The following COL11A1 variants were observed in gnomAD, a reference collection of about 807,000 sequenced individuals.
COL11A1 encodes the protein collagen type XI alpha 1 chain.
COL11A1 carries 74 observed loss-of-function variants against 265.2 expected under a neutral mutation model. The observed-to-expected ratio is 0.28, with a 90% CI of 0.23 to 0.34. The LOEUF (loss-of-function observed/expected upper bound fraction) is 0.34. Ranked by LOEUF, COL11A1 falls within the 10% of genes least tolerant of loss-of-function variation. The pLI is 1.00. For missense variants in COL11A1, 2,165 were observed against 2,263.6 expected, an observed-to-expected ratio of 0.96 and a Z score of 0.88; for synonymous variants, 816 against 727.6, an observed-to-expected ratio of 1.12 and a Z score of -1.96.
intron 10 of COL11A1, 128 bp from the exon 11 acceptor site, chr1:103,018,010 C>A: frequency 1.2e-6 from 1 of 817,234 alleles, no homozygotes; most frequent in Non-Finnish European, 2.1e-6. Context: ...AAACAGTTGC[C>A]CTATTTATCT....
chr1:103,013,508 T>G (rs1378880478), intron 13 of COL11A1, among the ~76,000 whole-genome samples: 1 of 151,942 alleles, frequency 6.6e-6, no homozygotes, highest in East Asian at 1.9e-4. Flanking sequence ...TTTTAAATAA[T>G]TTTAGATTTG....
intron 14 of COL11A1, among the ~76,000 whole-genome samples, chr1:103,012,109 T>C (rs1237533684): frequency 2.0e-5 from 3 of 152,324 alleles, no homozygotes; most frequent in East Asian, 3.9e-4. Context: ...ATGTAAAACA[T>C]AATTTTGGAA....
At chr1:102,946,025 T>C (rs10874664) in intron 42 of COL11A1, among the ~76,000 whole-genome samples, 91,754 of 131,610 alleles carry the variant, frequency 0.7, 32,288 homozygotes, top group East Asian at 0.87. Flanking sequence ...ATGTCCTTTG[T>C]AGGGACATGG....
chr1:103,008,119 A>C (rs910597567), intron 15 of COL11A1, among the ~76,000 whole-genome samples: 6 of 152,204 alleles, frequency 3.9e-5, no homozygotes, highest in African/African-American at 1.4e-4. Context: ...TTATAAAAAG[A>C]AAGTGTTGAG....
At chr1:102,921,069 A>G (rs1372713790) in intron 48 of COL11A1, among the ~76,000 whole-genome samples, 2 of 152,210 alleles carry the variant, frequency 1.3e-5, no homozygotes, top group East Asian at 3.8e-4. Flanking sequence ...CAATTAAGAG[A>G]AAACATTTTA....
chr1:102,877,949 T>C lies in COL11A1; in HGVS notation c.*70A>G. On this transcript the variant is annotated 3_prime_UTR_variant, in exon 67 of 67. Transcript: ENST00000370096. ...ATACCATCCTTATTCAAAACTTGCA[T>C]GTGGCACAAAATGGGTTGGTGGCAC... 1 of 1,521,172 alleles carries C rather than the reference T, an allele frequency of 6.6e-7. No individual in the cohort carries two copies. The highest frequency in any genetic ancestry group is 1.1e-5 in the South Asian group (1 of 88,586). The allele number at this position is 1,521,172 out of a possible 1,614,324, so 94.2% of individuals were successfully genotyped here. A position where few individuals can be genotyped will look rare whatever the true frequency, so the allele number is the denominator to read the frequency against.
chr1:103,021,917 C>A, intron 8 of COL11A1, 148 bp from the exon 9 acceptor site: 1 of 655,818 alleles, frequency 1.5e-6, no homozygotes, highest in South Asian at 1.8e-5. Context: ...GCTCGATCTC[C>A]GCTCACTGCA....
intron 4 of COL11A1, among the ~76,000 whole-genome samples, chr1:103,070,885 A>C (rs1017623107): frequency 3.3e-5 from 5 of 151,998 alleles, no homozygotes; most frequent in African/African-American, 1.2e-4. Flanking sequence ...CATTAAAAAG[A>C]TATATGGACA....
At chr1:103,014,672 A>C (rs1170177192) in intron 12 of COL11A1, 78 bp from the exon 13 acceptor site, 1 of 1,166,956 alleles carries the variant, frequency 8.6e-7, no homozygotes, top group African/African-American at 1.5e-5. Context: ...TCATTAGATA[A>C]AAACCACTTA....
At chr1:102,940,242 A>T in intron 43 of COL11A1, 85 bp downstream of exon 43, 1 of 1,118,246 alleles carries the variant, frequency 8.9e-7, no homozygotes, top group Non-Finnish European at 1.4e-6. Context: ...CTGGCGCCTA[A>T]TCATAAAGAT....
intron 46 of COL11A1, among the ~76,000 whole-genome samples, chr1:102,925,578 C>T (rs549419522): frequency 1.3e-5 from 2 of 152,094 alleles, no homozygotes; most frequent in South Asian, 2.1e-4. Flanking sequence ...CAAACTGTTA[C>T]CATCATCTGA....
At chr1:102,938,551 G>A (rs1975917) in intron 44 of COL11A1, among the ~76,000 whole-genome samples, 115,709 of 151,928 alleles carry the variant, frequency 0.76, 47,602 homozygotes, top group East Asian at 1. Flanking sequence ...ATATATACTG[G>A]TAGTGACCAA....
chr1:102,953,769 TA>T (rs1235407620), intron 41 of COL11A1, among the ~76,000 whole-genome samples: 2 of 152,144 alleles, frequency 1.3e-5, no homozygotes, highest in Non-Finnish European at 2.9e-5. Flanking sequence ...AATACCCTGT[TA>T]AAAGAAGGGT....
rs1667446673 is a variant in COL11A1 at position 103,025,579 on chromosome 1, T to C, written c.932A>G (p.Tyr311Cys). The C allele has an allele frequency of 6.2e-7, 1 of 1,613,818 alleles. No homozygotes were observed. The highest frequency in any genetic ancestry group is 1.3e-5 in the African/African-American group (1 of 75,048). Residue 311 changes from tyrosine to cysteine, a missense_variant, in exon 7 of 67, where the codon TAT becomes TGT. Tyr to Cys is a radical substitution (Grantham distance 194). Transcript: ENST00000370096. ...TGTCTGGTAACTTTCCATTGTTCCA[T>C]AGTTGTATTCTTGAAAATCATCAAC... The part of the protein sequence containing the change: ...NIVDDFQEYN[Y>C]GTMESYQTEA...
chr1:103,030,556 CAA>C (rs35873874), intron 5 of COL11A1, among the ~76,000 whole-genome samples: 4 of 143,174 alleles, frequency 2.8e-5, no homozygotes, highest in African/African-American at 1.0e-4. Flanking sequence ...ATTCAAAATC[CAA>C]AAAAAAAAAA....
At chr1:103,040,930 C>T (rs994075985) in intron 4 of COL11A1, among the ~76,000 whole-genome samples, 1 of 151,676 alleles carries the variant, frequency 6.6e-6, no homozygotes, top group Non-Finnish European at 1.5e-5. Flanking sequence ...ACATTTAGAG[C>T]ACATCTCAAT....
intron 4 of COL11A1, among the ~76,000 whole-genome samples, chr1:103,043,230 A>T (rs1355072514): frequency 6.4e-5 from 9 of 141,178 alleles, no homozygotes; most frequent in Non-Finnish European, 3.1e-5. Context: ...TATATAATGT[A>T]TATATGAAAT....
chr1:102,963,319 G>T (rs1160790316), intron 38 of COL11A1, among the ~76,000 whole-genome samples: 2 of 152,154 alleles, frequency 1.3e-5, no homozygotes, highest in African/African-American at 4.8e-5. Context: ...GATCCTGAAG[G>T]CAGTGAGTAT....
chr1:102,943,202 T>C (rs1658910548), intron 42 of COL11A1, among the ~76,000 whole-genome samples: 1 of 152,092 alleles, frequency 6.6e-6, no homozygotes, highest in Non-Finnish European at 1.5e-5. Context: ...CATTTTTCTA[T>C]GGGTTCCATG....
Sources: allele counts gnomAD v4.1 joint callset (sites outside exome capture counted in the v4.1 genomes callset), GRCh38; gene constraint gnomAD v4.1.1; transcripts MANE v1.5; gene names NCBI Gene and HGNC (gene_info 2026-07-23, HGNC 2026-07-21).